The following SNX10 variants were observed in gnomAD, a reference collection of about 807,000 sequenced individuals.
The protein encoded by SNX10 is sorting nexin 10.
Under a neutral mutation model 28.5 loss-of-function variants are expected in SNX10, and 25 were observed. The ratio of observed to expected loss-of-function variants is 0.88; its 90% CI spans 0.64 to 1.22. SNX10 has a LOEUF of 1.22. SNX10 is among the 50% of genes most tolerant of loss of function. The probability of loss-of-function intolerance (pLI) is 0.00; values close to 1 mark genes in which losing one functional copy is unlikely to be tolerated. For missense variants in SNX10, 223 were observed against 242.6 expected (o/e 0.92, Z 0.54); for synonymous variants, 62 against 81.4 (o/e 0.76, Z 1.28).
intron 1 of SNX10, among the ~76,000 whole-genome samples, chr7:26,306,873 A>C (rs1393945392): frequency 6.6e-6 from 1 of 152,230 alleles, no homozygotes; most frequent in Non-Finnish European, 1.5e-5. Flanking sequence ...GTAGATCATG[A>C]AGCAGGCAGT....
At chr7:26,353,799 C>T (rs753783808) in intron 2 of SNX10, among the ~76,000 whole-genome samples, 4 of 152,110 alleles carry the variant, frequency 2.6e-5, no homozygotes, top group Admixed American at 6.6e-5. Context: ...AAGTACCTAG[C>T]GCATTGTTGT....
chr7:26,327,046 G>A lies in SNX10; in HGVS notation c.-23-19374G>A, dbSNP rs113188724. On this transcript the variant is annotated intron_variant, in intron 1 of 6. Transcript: ENST00000338523. ...GCTCACTGCAACCTCTGCCTCCTGGGTTCAAGCGGTTCTTGTGCCTCAGCC... is the reference window on the plus strand; with the variant it reads ...GCTCACTGCAACCTCTGCCTCCTGGATTCAAGCGGTTCTTGTGCCTCAGCC... Among the ~76,000 whole-genome samples the A allele has an allele frequency of 2.2e-3, 327 of 151,638 alleles. 1 individual carries two copies. Among genetic ancestry groups the A allele is most frequent in the African/African-American group, 7.6e-3 (314 of 41,290 alleles).
intron 2 of SNX10, among the ~76,000 whole-genome samples, chr7:26,359,746 C>T (rs1788990482): frequency 1.3e-5 from 2 of 152,074 alleles, no homozygotes; most frequent in South Asian, 4.2e-4. Flanking sequence ...TCACTGCAAC[C>T]ACCGCTTCCT....
chr7:26,311,566 C>T lies in SNX10; in HGVS notation c.-24+19480C>T, dbSNP rs187360866. Among the ~76,000 whole-genome samples, 422 of 152,320 alleles carry T rather than the reference C, an allele frequency of 2.8e-3. 3 individuals carry two copies. The highest frequency in any genetic ancestry group is 0.014 in the Middle Eastern group (4 of 294). On this transcript the variant is annotated intron_variant, in intron 1 of 6. Coordinates refer to ENST00000338523, the MANE Select transcript of SNX10 (RefSeq NM_013322.3). ...TGAAAAGAGCCCCTGGTGATTTAGACATACCTTGCCTTCCATCTCTTCAAA... is the reference window on the plus strand; with the variant it reads ...TGAAAAGAGCCCCTGGTGATTTAGATATACCTTGCCTTCCATCTCTTCAAA...
chr7:26,349,055 C>T (rs1459633402), intron 2 of SNX10, among the ~76,000 whole-genome samples: 1 of 152,224 alleles, frequency 6.6e-6, no homozygotes, highest in Non-Finnish European at 1.5e-5. Flanking sequence ...TTAGGTCAAG[C>T]CTTTCATATC....
rs76583160 is a variant in SNX10, at chr7:26,357,523, A to G, written c.25-3452A>G. 0.019 allele frequency among the ~76,000 whole-genome samples: 2,826 copies of G among 152,088 alleles called. 190 individuals are homozygous for G. In the East Asian group the frequency reaches 0.22, roughly 12 times the overall value. ...GTTTGAACTTGAAGGTTATGGGGCAACCTTTGAAGGATTTTCAGAAGGAAA... is the reference window on the plus strand; with the variant it reads ...GTTTGAACTTGAAGGTTATGGGGCAGCCTTTGAAGGATTTTCAGAAGGAAA... On this transcript the variant is annotated intron_variant, in intron 2 of 6. Transcript: ENST00000338523.
intron 5 of SNX10, among the ~76,000 whole-genome samples, chr7:26,368,238 A>G (rs1789373665): frequency 6.6e-6 from 1 of 152,194 alleles, no homozygotes; most frequent in African/African-American, 2.4e-5. Context: ...TGGACATACT[A>G]TATGAATCCC....
chr7:26,295,676 C>T (rs1451780150), intron 1 of SNX10, among the ~76,000 whole-genome samples: 1 of 152,190 alleles, frequency 6.6e-6, no homozygotes, highest in Non-Finnish European at 1.5e-5. Flanking sequence ...TTACGAATTG[C>T]CAGAGACCCC....
At chr7:26,343,631 G>A (rs1788264348) in intron 1 of SNX10, among the ~76,000 whole-genome samples, 1 of 152,204 alleles carries the variant, frequency 6.6e-6, no homozygotes, top group Admixed American at 6.5e-5. Context: ...TCCTGGCAGA[G>A]TTTGCTGGTG....
chr7:26,297,631 T>C (rs1040483516), intron 1 of SNX10, among the ~76,000 whole-genome samples: 2 of 152,312 alleles, frequency 1.3e-5, no homozygotes, highest in South Asian at 4.1e-4. Context: ...TCATCCTCCT[T>C]CCTTCTTTCC....
chr7:26,309,422 C>T (rs868377439), intron 1 of SNX10, among the ~76,000 whole-genome samples: 4 of 151,844 alleles, frequency 2.6e-5, no homozygotes, highest in Non-Finnish European at 5.9e-5. Flanking sequence ...CTCACCCAGT[C>T]GGTTCTCAGT....
At chr7:26,315,035 G>A (rs981729111) in intron 1 of SNX10, among the ~76,000 whole-genome samples, 7 of 151,982 alleles carry the variant, frequency 4.6e-5, no homozygotes, top group Admixed American at 6.6e-5. Context: ...GGACTAGAAA[G>A]CAGATTAAAA....
intron 1 of SNX10, among the ~76,000 whole-genome samples, chr7:26,316,212 TA>T (rs966351944): frequency 7.0e-6 from 1 of 143,850 alleles, no homozygotes; most frequent in African/African-American, 2.6e-5. Flanking sequence ...AAACCTAGAG[TA>T]AAAAAAATGG....
At chr7:26,331,705 A>C (rs1286838574) in intron 1 of SNX10, among the ~76,000 whole-genome samples, 1 of 152,220 alleles carries the variant, frequency 6.6e-6, no homozygotes, top group African/African-American at 2.4e-5. Context: ...TCATGACCTC[A>C]AAAAGCAGCA....
At chr7:26,355,977 C>T (rs184792757) in intron 2 of SNX10, among the ~76,000 whole-genome samples, 26 of 152,166 alleles carry the variant, frequency 1.7e-4, no homozygotes, top group South Asian at 6.2e-4. Context: ...ATTTGTGAAA[C>T]GGTATAATGC....
chr7:26,304,516 G>T (rs546611679), intron 1 of SNX10, among the ~76,000 whole-genome samples: 15 of 152,296 alleles, frequency 9.8e-5, no homozygotes, highest in African/African-American at 3.6e-4. Flanking sequence ...TGAGTCTGGT[G>T]GCAGGGCCAG....
At chr7:26,304,789 A>G (rs1786519285) in intron 1 of SNX10, among the ~76,000 whole-genome samples, 1 of 152,226 alleles carries the variant, frequency 6.6e-6, no homozygotes, top group African/African-American at 2.4e-5. Flanking sequence ...TAGTGCAATC[A>G]AACTGTTTAA....
intron 1 of SNX10, among the ~76,000 whole-genome samples, chr7:26,317,003 C>G (rs1200255686): frequency 6.6e-6 from 1 of 152,168 alleles, no homozygotes; most frequent in Non-Finnish European, 1.5e-5. Flanking sequence ...GTATGCGTTA[C>G]ATACCTGATA....
At chr7:26,323,789 G>A (rs974734098) in intron 1 of SNX10, among the ~76,000 whole-genome samples, 2 of 152,188 alleles carry the variant, frequency 1.3e-5, no homozygotes, top group Non-Finnish European at 2.9e-5. Flanking sequence ...GTAACCAGGA[G>A]TAGGGTTTCA....
Sources: gnomAD v4.1 joint callset for allele counts (sites outside exome capture counted in the v4.1 genomes callset) on GRCh38, gnomAD v4.1.1 for gene constraint, MANE v1.5 for transcripts, NCBI Gene and HGNC (gene_info 2026-07-23, HGNC 2026-07-21) for gene names.